Variants in SVIL observed in about 807,000 individuals in gnomAD.
SVIL encodes the protein archvillin.
In SVIL, 101 loss-of-function variants were observed where a neutral mutation model predicts 240.4. The observed-to-expected ratio is 0.42, with a 90% confidence interval of 0.36 to 0.50. SVIL has a LOEUF of 0.50. SVIL is among the 20% of genes least tolerant of loss of function. SVIL has a pLI of 0.01. For missense variants in SVIL, 2,512 were observed against 2,818.7 expected (o/e 0.89, Z 2.46); for synonymous variants, 999 against 1,100.0 (o/e 0.91, Z 1.82).
intron 20 of SVIL, among the ~76,000 whole-genome samples, chr10:29,494,604 A>G (rs994552447): frequency 3.3e-5 from 5 of 152,230 alleles, no homozygotes; most frequent in Non-Finnish European, 5.9e-5. Context: ...TTGGAAATTG[A>G]TAACATACAA....
chr10:29,479,570 C>T (rs7096453), intron 29 of SVIL, among the ~76,000 whole-genome samples: 80,586 of 152,058 alleles, frequency 0.53, 21,618 homozygotes, highest in South Asian at 0.65. Flanking sequence ...CTTTATGTCA[C>T]TGAGACAGGG....
At chr10:29,638,509 A>G (rs145411300), upstream of SVIL, among the ~76,000 whole-genome samples, 318 of 152,284 alleles carry the variant, frequency 2.1e-3, no homozygotes, top group African/African-American at 7.3e-3. Flanking sequence ...CCAAGGAAAA[A>G]GCATCCCAAC....
At chr10:29,597,978 A>G (rs1293162161) in intron 1 of SVIL, among the ~76,000 whole-genome samples, 1 of 152,110 alleles carries the variant, frequency 6.6e-6, no homozygotes, top group Non-Finnish European at 1.5e-5. Flanking sequence ...TATTCACTGT[A>G]GCTAAAATGT....
At position 29,721,894 on chromosome 10, in the gene SVIL, A is replaced by C. The variant is rs149936866; in HGVS notation, c.-400+13857T>G. Among the ~76,000 whole-genome samples the C allele has an allele frequency of 9.3e-3, 1,415 of 152,312 alleles. 19 individuals are homozygous for C. Among genetic ancestry groups the C allele is most frequent in the African/African-American group, 0.031 (1,277 of 41,548 alleles). On this transcript the variant is annotated intron_variant, in intron 1 of 35. Transcript: ENST00000375400. ...ACTAGTGCTATTTTGTCTGGCTTGC[A>C]GGCTAACCAGGAGTTAGAGAAGAAG...
intron 14 of SVIL, 109 bp downstream of exon 14, chr10:29,524,363 G>A (rs1950754478): frequency 6.6e-7 from 1 of 1,519,590 alleles, no homozygotes; most frequent in Admixed American, 1.8e-5. Context: ...ACAGGTAGCA[G>A]TTTCCTGGTA....
At chr10:29,581,158 C>A (rs1328059045) in intron 1 of SVIL, among the ~76,000 whole-genome samples, 1 of 152,144 alleles carries the variant, frequency 6.6e-6, no homozygotes, top group Non-Finnish European at 1.5e-5. Flanking sequence ...AGTAAAGGAG[C>A]ATTTTGTATG....
intron 30 of SVIL, among the ~76,000 whole-genome samples, chr10:29,473,301 A>G (rs1443267560): frequency 2.6e-5 from 4 of 152,226 alleles, no homozygotes; most frequent in Non-Finnish European, 4.4e-5. Context: ...GGCGTTCCCA[A>G]TCCTTACATT....
At chr10:29,620,481 T>C (rs569328733) in intron 1 of SVIL, among the ~76,000 whole-genome samples, 1 of 152,336 alleles carries the variant, frequency 6.6e-6, no homozygotes, top group Non-Finnish European at 1.5e-5. Context: ...GATAGTCAAC[T>C]GTGCGGTTAT....
At chr10:29,569,216 C>T (rs1955254076) in intron 2 of SVIL, 39 bp downstream of exon 2, 8 of 949,702 alleles carry the variant, frequency 8.4e-6, no homozygotes, top group Non-Finnish European at 1.0e-5. Context: ...TACAACAAAT[C>T]TTCAAAATTT....
chr10:29,702,408 C>T (rs1324995880), intron 1 of SVIL, among the ~76,000 whole-genome samples: 2 of 152,092 alleles, frequency 1.3e-5, no homozygotes, highest in African/African-American at 4.8e-5. Flanking sequence ...CACTGACCTC[C>T]CCGCTGGGTT....
intron 2 of SVIL, among the ~76,000 whole-genome samples, chr10:29,680,081 G>T (rs1207601743): frequency 6.6e-6 from 1 of 152,102 alleles, no homozygotes; most frequent in Non-Finnish European, 1.5e-5. Flanking sequence ...GCCACTTGGG[G>T]GGCTTAGGTG....
chr10:29,659,038 A>T (rs1959083186), intron 2 of SVIL, among the ~76,000 whole-genome samples: 1 of 152,190 alleles, frequency 6.6e-6, no homozygotes, highest in African/African-American at 2.4e-5. Flanking sequence ...GAGTGAGGGG[A>T]AACCCCACCT....
chr10:29,611,909 G>T (rs1488374013), intron 1 of SVIL, among the ~76,000 whole-genome samples: 1 of 152,148 alleles, frequency 6.6e-6, no homozygotes, highest in Non-Finnish European at 1.5e-5. Flanking sequence ...GAACCAGGGG[G>T]AGAATCTCTC....
At chr10:29,675,685 T>A (rs926757762) in intron 2 of SVIL, among the ~76,000 whole-genome samples, 2 of 152,024 alleles carry the variant, frequency 1.3e-5, no homozygotes, top group African/African-American at 4.8e-5. Context: ...AACTAATGAT[T>A]TTTTCCCCCT....
chr10:29,578,540 C>T (rs1254260949), intron 1 of SVIL, among the ~76,000 whole-genome samples: 46 of 152,190 alleles, frequency 3.0e-4, no homozygotes, highest in Admixed American at 2.8e-3. Context: ...ACACCAGGTG[C>T]GCACAGAAGA....
At chr10:29,496,185 C>A (rs955476294) in intron 18 of SVIL, among the ~76,000 whole-genome samples, 6 of 152,076 alleles carry the variant, frequency 3.9e-5, no homozygotes, top group South Asian at 2.1e-4. Context: ...ATAAAAAAAA[C>A]CATTAAATGG....
In SVIL at chr10:29,457,787, C is replaced by A. The variant is rs1412274005; in HGVS notation, c.*460G>T. The stretch of plus-strand genomic sequence containing the variant: ...CTACCTTTTCATGTTATTTTGACAC[C>A]AAAACAAATCTTGAAAGTGAATGAA... On this transcript the variant is annotated 3_prime_UTR_variant, in exon 38 of 38. Coordinates refer to ENST00000355867, the MANE Select transcript of SVIL (RefSeq NM_021738.3). 5 of 152,334 alleles carry A rather than the reference C, an allele frequency of 3.3e-5. No homozygotes were observed. The allele number at this position is 152,334 out of a possible 1,614,324, so 9.4% of individuals were successfully genotyped here. A position where few individuals can be genotyped will look rare whatever the true frequency, so the allele number is the denominator to read the frequency against.
rs780072547 is a variant in SVIL at position 29,551,137 on chromosome 10, T to C, written c.287A>G (p.His96Arg). 12 of 1,614,174 alleles carry C rather than the reference T, an allele frequency of 7.4e-6. No individual in the cohort carries two copies. The highest frequency in any genetic ancestry group is 1.0e-5 in the Non-Finnish European group (12 of 1,180,028). Residue 96 changes from histidine (H) to arginine (R), a missense_variant, in exon 6 of 38, where the codon CAC (histidine) becomes CGC (arginine). His to Arg is a conservative substitution (Grantham distance 29, BLOSUM62 0). Transcript: ENST00000355867. ...SPYGSGTMDT[H>R]SLESKAERIA... ...TCTTTCGGCTTTGGACTCCAGACTG[T>C]GGGTGTCCATGGTACCCGAACCATA...
rs1953262046 is a variant in SVIL at position 29,550,901 on chromosome 10, G to A, written c.523C>T (p.Leu175Phe). 2 of 1,614,078 alleles carry A rather than the reference G, an allele frequency of 1.2e-6. No homozygotes were observed. The highest frequency in any genetic ancestry group is 2.2e-5 in the East Asian group (1 of 44,850). The change falls in exon 6 of 38, where the codon CTC becomes TTC. Residue 175 changes from leucine (L) to phenylalanine (F), a missense_variant. This residue lies in a region of SVIL where 1,443 missense variants were observed against 1,486.6 expected (regional missense o/e 0.97). Coordinates refer to ENST00000355867, the MANE Select transcript of SVIL (RefSeq NM_021738.3). Reference sequence around the variant, plus strand: ...TTGGATTCACCGGCACAGGTCCTGAGCCCCATCGTCTCGGTCCCGGGGTAC... The same window carrying A: ...TTGGATTCACCGGCACAGGTCCTGAACCCCATCGTCTCGGTCCCGGGGTAC... ...SLYPGTETMGLRTCAGESKDY... is the reference protein window; with the variant it reads ...SLYPGTETMGFRTCAGESKDY...
Sources: allele counts gnomAD v4.1 joint callset (sites outside exome capture counted in the v4.1 genomes callset), GRCh38; gene constraint gnomAD v4.1.1; regional missense constraint gnomAD v4.1.1; transcripts MANE v1.5; gene names NCBI Gene and HGNC (gene_info 2026-07-23, HGNC 2026-07-21).